The following DYNC2H1 variants were observed in gnomAD, a reference collection of about 807,000 sequenced individuals.
DYNC2H1 encodes cytoplasmic dynein 2 heavy chain 1.
In DYNC2H1, 410 loss-of-function variants were observed where a neutral mutation model predicts 570.0. That is an observed-to-expected ratio of 0.72 (90% CI 0.66 to 0.78). DYNC2H1 has a LOEUF of 0.78. Among genes scored for constraint, DYNC2H1 ranks in the 30% least tolerant of loss-of-function variants. DYNC2H1 has a pLI of 0.00. For synonymous variants in DYNC2H1, 1,688 were observed against 1,677.6 expected (o/e 1.01, Z -0.15); for missense variants, 4,865 against 5,046.4 (o/e 0.96, Z 1.09).
intron 85 of DYNC2H1, among the ~76,000 whole-genome samples, chr11:103,445,830 T>G (rs1028777884): frequency 6.6e-6 from 1 of 152,124 alleles, no homozygotes; most frequent in Admixed American, 6.5e-5. Flanking sequence ...TTTTTTGTAT[T>G]TTTAGTAGAG....
intron 1 of DYNC2H1, among the ~76,000 whole-genome samples, chr11:103,111,845 A>G (rs1342604048): frequency 1.3e-5 from 2 of 152,224 alleles, no homozygotes; most frequent in Non-Finnish European, 2.9e-5. Flanking sequence ...GCGTGATTCA[A>G]TAAGTTAATA....
At position 103,333,356 on chromosome 11, in the gene DYNC2H1, C is replaced by T. The variant is rs961166324; in HGVS notation, c.12039+9366C>T. 3.9e-5 allele frequency among the ~76,000 whole-genome samples: 6 copies of T among 152,090 alleles called. No individual in the cohort carries two copies. In the South Asian group the frequency reaches 6.2e-4, roughly 16 times the overall value. On this transcript the variant is annotated intron_variant, in intron 82 of 88. Coordinates refer to ENST00000375735, the MANE Select transcript of DYNC2H1 (RefSeq NM_001377.3). ...TCAGCTCACTGCAAGCTCCGCCTCCCGGGTTCATGCCATTCTCCTGCCTCA... is the reference window on the plus strand; with the variant it reads ...TCAGCTCACTGCAAGCTCCGCCTCCTGGGTTCATGCCATTCTCCTGCCTCA...
At chr11:103,290,148 C>G (rs1866534653) in intron 75 of DYNC2H1, among the ~76,000 whole-genome samples, 1 of 152,020 alleles carries the variant, frequency 6.6e-6, no homozygotes, top group African/African-American at 2.4e-5. Context: ...AAAGGTGAAC[C>G]TTTTGAGGGA....
At position 103,369,981 on chromosome 11, in the gene DYNC2H1, C is replaced by G. The variant is rs919334540; in HGVS notation, c.12156+11622C>G. 6.6e-6 allele frequency among the ~76,000 whole-genome samples: 1 copy of G among 152,216 alleles called. No homozygotes were observed. Among genetic ancestry groups the G allele is most frequent in the African/African-American group, 2.4e-5 (1 of 41,460 alleles). On this transcript the variant is annotated intron_variant, in intron 83 of 88. Coordinates refer to ENST00000375735, the MANE Select transcript of DYNC2H1 (RefSeq NM_001377.3). This position sits in a 1 kb window ranked among gnomAD's most constrained non-coding sequence, Gnocchi z 4.0. ...CATTGTCTTGCACATTAGGTAGAAGCTTGGCTACAGAGATAGGACACCAAA... is the reference window on the plus strand; with the variant it reads ...CATTGTCTTGCACATTAGGTAGAAGGTTGGCTACAGAGATAGGACACCAAA...
At chr11:103,441,157 G>A (rs1377072167) in intron 85 of DYNC2H1, among the ~76,000 whole-genome samples, 1 of 151,988 alleles carries the variant, frequency 6.6e-6, no homozygotes, top group Non-Finnish European at 1.5e-5. Context: ...CTCTGTTCTA[G>A]CCATACTGGT....
chr11:103,297,666 A>G (rs1176625146), intron 75 of DYNC2H1, among the ~76,000 whole-genome samples: 1 of 152,096 alleles, frequency 6.6e-6, no homozygotes, highest in East Asian at 1.9e-4. Context: ...TGGAACAACC[A>G]TGGTATACAT....
At chr11:103,159,605 T>C (rs1348808745) in intron 28 of DYNC2H1, among the ~76,000 whole-genome samples, 1 of 152,132 alleles carries the variant, frequency 6.6e-6, no homozygotes, top group East Asian at 1.9e-4. Context: ...AGAGTCACTT[T>C]AATGGGATAC....
intron 54 of DYNC2H1, among the ~76,000 whole-genome samples, chr11:103,214,248 A>G (rs1275715211): frequency 6.6e-6 from 1 of 152,138 alleles, no homozygotes; most frequent in Non-Finnish European, 1.5e-5. Flanking sequence ...GGAGTCAGGT[A>G]GTGTGATGCC....
intron 55 of DYNC2H1, among the ~76,000 whole-genome samples, chr11:103,217,429 G>A (rs956064949): frequency 3.3e-5 from 5 of 152,128 alleles, no homozygotes; most frequent in Admixed American, 2.6e-4. Context: ...ATTAGGCATA[G>A]AGATCACTGG....
intron 83 of DYNC2H1, among the ~76,000 whole-genome samples, chr11:103,392,361 G>T (rs995815471): frequency 2.0e-5 from 3 of 152,204 alleles, no homozygotes; most frequent in Non-Finnish European, 4.4e-5. Flanking sequence ...CACAGTATTA[G>T]GTTGGGAGTG....
At position 103,174,078 on chromosome 11, in the gene DYNC2H1, A is replaced by G. The variant is rs1176244293; in HGVS notation, c.5582A>G (p.His1861Arg). The part of the protein sequence containing the change: ...LSRELLTPQQ[H>R]YDWGLRALKT... Reference sequence around the variant, plus strand: ...AGGGAACTTTTGACACCTCAGCAACATTATGATTGGGGTTTGAGAGCTTTG... The same window carrying G: ...AGGGAACTTTTGACACCTCAGCAACGTTATGATTGGGGTTTGAGAGCTTTG... The change falls in exon 36 of 89, where the codon CAT becomes CGT. Residue 1861 changes from histidine to arginine, a missense_variant. Coordinates refer to ENST00000375735, the MANE Select transcript of DYNC2H1 (RefSeq NM_001377.3). The G allele has an allele frequency of 3.1e-6, 5 of 1,588,718 alleles. No homozygotes were observed. The highest frequency in any genetic ancestry group is 4.5e-5 in the East Asian group (2 of 44,082).
chr11:103,418,806 T>G (rs376598250), intron 84 of DYNC2H1, among the ~76,000 whole-genome samples: 1 of 151,958 alleles, frequency 6.6e-6, no homozygotes, highest in African/African-American at 2.4e-5. Context: ...AAACCACATT[T>G]CTCCCACACA....
At chr11:103,222,510 C>T (rs1485728057) in intron 58 of DYNC2H1, among the ~76,000 whole-genome samples, 1 of 151,910 alleles carries the variant, frequency 6.6e-6, no homozygotes, top group African/African-American at 2.4e-5. Context: ...TTTCAGTGAA[C>T]AATTTAGATT....
chr11:103,371,941 T>G lies in DYNC2H1; in HGVS notation c.12156+13582T>G, dbSNP rs995151445. The stretch of plus-strand genomic sequence containing the variant: ...TTCCCATTTGGGTTTTTTTTTTTTT[T>G]TTTTTTTTTTTGTCTTGCCTAATTG... On this transcript the variant is annotated intron_variant, in intron 83 of 88. Transcript: ENST00000375735. 2.3e-4 allele frequency among the ~76,000 whole-genome samples: 34 copies of G among 145,476 alleles called. 1 individual carries two copies. Among genetic ancestry groups the G allele is most frequent in the African/African-American group, 7.5e-4 (30 of 39,802 alleles).
intron 75 of DYNC2H1, among the ~76,000 whole-genome samples, chr11:103,291,040 G>GTGGTTATTACCA (rs1866574803): frequency 6.6e-6 from 1 of 152,192 alleles, no homozygotes; most frequent in Non-Finnish European, 1.5e-5. Context: ...CAGAAGTGAA[G>GTGGTTATTACCA]GAGGGGATGC....
At chr11:103,307,658 A>C in intron 77 of DYNC2H1, 63 bp from the exon 78 acceptor site, 3 of 787,350 alleles carry the variant, frequency 3.8e-6, no homozygotes, top group Middle Eastern at 2.9e-4. Flanking sequence ...CTAATAATGT[A>C]ATGTAAAAGA....
rs1239023791 is a variant in DYNC2H1 at position 103,128,975 on chromosome 11, A to G, written c.1923A>G (p.Gln641=). ...MIQSQRPMML[Q]SALAFEQIIK... Reference sequence around the variant, plus strand: ...AAAGTCAGAGGCCAATGATGTTACAATCTGCCTTAGCATTTGAACAGATAA... The same window carrying G: ...AAAGTCAGAGGCCAATGATGTTACAGTCTGCCTTAGCATTTGAACAGATAA... Residue 641 remains glutamine, a synonymous_variant, in exon 13 of 89, where the codon CAA becomes CAG. Transcript: ENST00000375735. 1.9e-6 allele frequency: 3 copies of G among 1,605,246 alleles called. No individual in the cohort carries two copies. The highest frequency in any genetic ancestry group is 2.3e-5 in the South Asian group (2 of 87,522).
chr11:103,200,054 A>G lies in DYNC2H1; in HGVS notation c.8097A>G (p.Gln2699=). Reference sequence around the variant, plus strand: ...ATTTTCTGATTTTGCAGGTGCTGCAACTTGCAGGAATTGAAGCACAACAGG... The same window carrying G: ...ATTTTCTGATTTTGCAGGTGCTGCAGCTTGCAGGAATTGAAGCACAACAGG... The part of the protein sequence containing the change: ...QFKNDLKHVL[Q]LAGIEAQQVV... Residue 2699 remains glutamine, a synonymous_variant, in exon 50 of 89, where the codon CAA becomes CAG. Transcript: ENST00000375735. 1.3e-6 allele frequency: 2 copies of G among 1,581,764 alleles called. No individual in the cohort carries two copies. The highest frequency in any genetic ancestry group is 1.2e-5 in the South Asian group (1 of 86,212).
At chr11:103,455,049 AATGT>A (rs1447732869) in intron 85 of DYNC2H1, 133 bp from the exon 86 acceptor site, 1 of 549,282 alleles carries the variant, frequency 1.8e-6, no homozygotes, top group Non-Finnish European at 3.1e-6. Flanking sequence ...GTAAAATGGA[AATGT>A]TATATATATA....
Sources: gnomAD v4.1 joint callset for allele counts (sites outside exome capture counted in the v4.1 genomes callset) on GRCh38, gnomAD v4.1.1 for gene constraint, Gnocchi (gnomAD v3.1) non-coding constraint, MANE v1.5 for transcripts, NCBI Gene and HGNC (gene_info 2026-07-23, HGNC 2026-07-21) for gene names.